ST6GAL2: variants seen among roughly 807,000 people sequenced by gnomAD.
ST6GAL2 encodes the protein ST6 beta-galactoside alpha-2,6-sialyltransferase 2.
Under a neutral mutation model 37.5 loss-of-function variants are expected in ST6GAL2, and 24 were observed. The observed-to-expected ratio is 0.64, with a 90% CI of 0.46 to 0.90. ST6GAL2 has a LOEUF of 0.90. ST6GAL2 is among the 40% of genes least tolerant of loss of function. The pLI is 0.00. For synonymous variants in ST6GAL2, 306 were observed against 295.1 expected (o/e 1.04, Z -0.38); for missense variants, 715 against 712.7 (o/e 1.00, Z -0.04).
Position 106,832,779 on chromosome 2 carries a change from C to T in ST6GAL2, c.1042-113G>A, listed in dbSNP as rs186851225. ...GGGGCAAAAAAACAGGTGGCTCAGACGTTGTATTTTCTTCTGGGGGAGGGA... is the reference window on the plus strand; with the variant it reads ...GGGGCAAAAAAACAGGTGGCTCAGATGTTGTATTTTCTTCTGGGGGAGGGA... On this transcript the variant is annotated intron_variant, in intron 3 of 5. Transcript: ENST00000409382. 1.2e-3 allele frequency: 875 copies of T among 732,892 alleles called. 1 individual carries two copies. Among genetic ancestry groups the T allele is most frequent in the Non-Finnish European group, 1.6e-3 (649 of 403,390 alleles). The allele number at this position is 732,892 out of a possible 1,614,324, so 45.4% of individuals were successfully genotyped here.
intron 1 of ST6GAL2, among the ~76,000 whole-genome samples, chr2:106,879,836 CTATA>C (rs982362712): frequency 1.4e-5 from 2 of 146,756 alleles, no homozygotes; most frequent in African/African-American, 5.0e-5. Context: ...GATAATTAAT[CTATA>C]TATAATCTAT....
At position 106,865,569 on chromosome 2, in the gene ST6GAL2, G is replaced by A. The variant is rs1313883769; in HGVS notation, c.-58+20524C>T. Among the ~76,000 whole-genome samples, 3 of 152,148 alleles carry A rather than the reference G, an allele frequency of 2.0e-5. No homozygotes were observed. The East Asian group carries it at 5.8e-4, about 29-fold the overall frequency. ...CAGGTAGTAAGCAATAGCAAAATTC[G>A]TTACACCTCTTCTCTCCATCTCATC... is the stretch of plus-strand genomic sequence containing the variant. On this transcript the variant is annotated intron_variant, in intron 1 of 5. Coordinates refer to ENST00000409382, the MANE Select transcript of ST6GAL2 (RefSeq NM_001142351.2).
At chr2:106,836,773 C>CAAAAAAA (rs70956213) in intron 2 of ST6GAL2, among the ~76,000 whole-genome samples, 22 of 70,214 alleles carry the variant, frequency 3.1e-4, no homozygotes, top group African/African-American at 4.8e-4. Context: ...ACTAAAAATA[C>CAAAAAAA]AAAAAAAAAA....
At position 106,823,770 on chromosome 2, in the gene ST6GAL2, T is replaced by C. The variant is rs145815407; in HGVS notation, c.1318+6296A>G. On this transcript the variant is annotated intron_variant, in intron 5 of 5. Coordinates refer to ENST00000409382, the MANE Select transcript of ST6GAL2 (RefSeq NM_001142351.2). ...GGGGCCTGAAATTCCAAGAACAATA[T>C]GCAGCAGATTCAATGTCTCGTGAGG... Among the ~76,000 whole-genome samples the C allele has an allele frequency of 2.2e-3, 334 of 152,272 alleles. 2 individuals are homozygous for C. The highest frequency in any genetic ancestry group is 7.8e-3 in the African/African-American group (325 of 41,558).
chr2:106,853,268 G>A (rs921659040), intron 1 of ST6GAL2, among the ~76,000 whole-genome samples: 3 of 152,164 alleles, frequency 2.0e-5, no homozygotes, highest in African/African-American at 4.8e-5. Context: ...CCCCGCCTTC[G>A]TCAGAGATAG....
intron 1 of ST6GAL2, among the ~76,000 whole-genome samples, chr2:106,852,654 G>A (rs1172543895): frequency 6.6e-6 from 1 of 152,224 alleles, no homozygotes; most frequent in African/African-American, 2.4e-5. Flanking sequence ...GGCATTGCCT[G>A]ACCAGGGGCT....
chr2:106,852,775 C>T (rs138288434), intron 1 of ST6GAL2, among the ~76,000 whole-genome samples: 2 of 152,228 alleles, frequency 1.3e-5, no homozygotes, highest in East Asian at 3.9e-4. Context: ...TAGGGTTAGG[C>T]CTGAGTCATT....
chr2:106,864,612 G>A (rs1370992566), intron 1 of ST6GAL2, among the ~76,000 whole-genome samples: 1 of 152,146 alleles, frequency 6.6e-6, no homozygotes, highest in Non-Finnish European at 1.5e-5. Context: ...TTTATTAGCT[G>A]TATCAACTTG....
chr2:106,864,750 A>C (rs964287159), intron 1 of ST6GAL2, among the ~76,000 whole-genome samples: 3 of 152,356 alleles, frequency 2.0e-5, no homozygotes, highest in South Asian at 2.1e-4. Context: ...ATCGCCAGGC[A>C]CAGATGCTCA....
chr2:106,840,267 C>A (rs1979083), intron 2 of ST6GAL2, among the ~76,000 whole-genome samples: 28,515 of 151,924 alleles, frequency 0.19, 4,053 homozygotes, highest in African/African-American at 0.39. Context: ...ACAAGAATTT[C>A]GCTACACCAT....
At chr2:106,815,506 T>C (rs1675766682) in intron 5 of ST6GAL2, among the ~76,000 whole-genome samples, 1 of 152,212 alleles carries the variant, frequency 6.6e-6, no homozygotes, top group Admixed American at 6.5e-5. Context: ...AAAACAAAAG[T>C]CTATTTTCAC....
intron 5 of ST6GAL2, chr2:106,813,113 AGTT>A: frequency 9.1e-7 from 1 of 1,101,846 alleles, no homozygotes; most frequent in African/African-American, 1.7e-5. Context: ...TTATATGGCC[AGTT>A]TTTTTTTTTT....
In ST6GAL2 at chr2:106,870,443, A is replaced by G. The variant is rs150813208; in HGVS notation, c.-58+15650T>C. ...CCATATTATTTATTACCAGTTTTCT[A>G]GGAAGCCACAAAATTGTGTTTACTT... On this transcript the variant is annotated intron_variant, in intron 1 of 5. Coordinates refer to ENST00000409382, the MANE Select transcript of ST6GAL2 (RefSeq NM_001142351.2). 1.9e-3 allele frequency among the ~76,000 whole-genome samples: 289 copies of G among 152,282 alleles called. 1 individual carries two copies. Among genetic ancestry groups the G allele is most frequent in the African/African-American group, 6.0e-3 (250 of 41,578 alleles).
intron 5 of ST6GAL2, among the ~76,000 whole-genome samples, chr2:106,809,476 G>C (rs1305158709): frequency 4.6e-5 from 7 of 152,172 alleles, no homozygotes; most frequent in Non-Finnish European, 8.8e-5. Context: ...TGTGACCTTT[G>C]CAACTCTGGT....
chr2:106,885,050 C>CA (rs927030060), intron 1 of ST6GAL2, among the ~76,000 whole-genome samples: 71 of 150,714 alleles, frequency 4.7e-4, no homozygotes, highest in African/African-American at 1.7e-3. Context: ...TTCAAGTTGG[C>CA]AAAAAATGTT....
At position 106,808,073 on chromosome 2, in the gene ST6GAL2, T is replaced by C. The variant is rs572795173; in HGVS notation, c.1319-1124A>G. 2.6e-5 allele frequency among the ~76,000 whole-genome samples: 4 copies of C among 152,384 alleles called. No individual in the cohort carries two copies. In the South Asian group the frequency reaches 8.3e-4, roughly 32 times the overall value. On this transcript the variant is annotated intron_variant, in intron 5 of 5. Transcript: ENST00000409382. ...TAAAAAACATAAAGCAGCACAGTTA[T>C]TCTTGTTATAGCCAATATTTATCTG...
At chr2:106,844,716 C>T (rs1337461868) in intron 1 of ST6GAL2, among the ~76,000 whole-genome samples, 2 of 152,068 alleles carry the variant, frequency 1.3e-5, no homozygotes, top group African/African-American at 2.4e-5. Flanking sequence ...TCACCCTTAC[C>T]GTGAACTTTT....
At chr2:106,817,788 CG>C (rs1255295671) in intron 5 of ST6GAL2, among the ~76,000 whole-genome samples, 2 of 152,188 alleles carry the variant, frequency 1.3e-5, no homozygotes, top group Non-Finnish European at 2.9e-5. Context: ...AGATTCCAGG[CG>C]TTGGCTCTCA....
chr2:106,836,324 T>C (rs558867122), intron 2 of ST6GAL2, among the ~76,000 whole-genome samples: 1 of 152,174 alleles, frequency 6.6e-6, no homozygotes, highest in South Asian at 2.1e-4. Context: ...TTGAGAGAGC[T>C]ATTTAAAGAA....
Sources: gnomAD v4.1 joint callset for allele counts (sites outside exome capture counted in the v4.1 genomes callset) on GRCh38, gnomAD v4.1.1 for gene constraint, MANE v1.5 for transcripts, NCBI Gene and HGNC (gene_info 2026-07-23, HGNC 2026-07-21) for gene names.